The following SEMA6D variants were observed in gnomAD, a reference collection of about 807,000 sequenced individuals.
SEMA6D encodes semaphorin-6D.
A neutral mutation model predicts 106.6 loss-of-function variants in SEMA6D; 35 were observed. That is an observed-to-expected ratio of 0.33 (90% CI 0.25 to 0.44). The LOEUF is 0.44. Ranked by LOEUF, SEMA6D falls within the 20% of genes least tolerant of loss-of-function variation. The pLI, the probability that SEMA6D is intolerant of heterozygous loss-of-function variation, is 1.00. For missense variants in SEMA6D, 1,185 were observed against 1,345.9 expected (o/e 0.88, Z 1.87); for synonymous variants, 499 against 487.7 (o/e 1.02, Z -0.31).
At chr15:47,448,203 C>T (rs1244638285) in intron 2 of SEMA6D, among the ~76,000 whole-genome samples, 1 of 152,084 alleles carries the variant, frequency 6.6e-6, no homozygotes. Context: ...TGTACTTACC[C>T]CCAACCCAAA....
intron 3 of SEMA6D, among the ~76,000 whole-genome samples, chr15:47,545,207 A>T (rs557428397): frequency 1.3e-4 from 20 of 152,268 alleles, no homozygotes; most frequent in African/African-American, 4.3e-4. Context: ...GTGAACATCA[A>T]TCTGCTTTGA....
chr15:47,325,310 A>T (rs1437240882), intron 1 of SEMA6D, among the ~76,000 whole-genome samples: 1 of 151,976 alleles, frequency 6.6e-6, no homozygotes, highest in African/African-American at 2.4e-5. Flanking sequence ...AGTAAACTGG[A>T]CTACAGGCGC....
chr15:47,441,704 A>G (rs1449923484), intron 2 of SEMA6D, among the ~76,000 whole-genome samples: 2 of 152,102 alleles, frequency 1.3e-5, no homozygotes, highest in African/African-American at 4.8e-5. Context: ...TATTTTTTTA[A>G]TGAGGTTGAT....
chr15:47,759,035 C>T (rs1044561969), intron 1 of SEMA6D, among the ~76,000 whole-genome samples: 3 of 152,256 alleles, frequency 2.0e-5, no homozygotes, highest in African/African-American at 7.2e-5. Context: ...TATGTAAAAA[C>T]GTAGACTTCC....
At chr15:47,462,707 G>A (rs938935577) in intron 2 of SEMA6D, among the ~76,000 whole-genome samples, 9 of 152,068 alleles carry the variant, frequency 5.9e-5, no homozygotes, top group South Asian at 2.1e-4. Flanking sequence ...GAGCCATAGC[G>A]AATTGTGATT....
intron 1 of SEMA6D, among the ~76,000 whole-genome samples, chr15:47,267,084 C>T (rs1231734584): frequency 6.6e-6 from 1 of 152,026 alleles, no homozygotes; most frequent in African/African-American, 2.4e-5. Flanking sequence ...TGCTTTACGC[C>T]TTGGTTGCTG....
chr15:47,418,952 G>C (rs374723112), intron 2 of SEMA6D, among the ~76,000 whole-genome samples: 4 of 152,142 alleles, frequency 2.6e-5, no homozygotes, highest in East Asian at 1.9e-4. Flanking sequence ...TCATCTGATT[G>C]AGTTTAAGGA....
chr15:47,562,362 T>C (rs1318532583), intron 3 of SEMA6D, among the ~76,000 whole-genome samples: 3 of 152,058 alleles, frequency 2.0e-5, no homozygotes, highest in African/African-American at 7.2e-5. Flanking sequence ...GGAGAAAACT[T>C]ATGAGAAAAT....
chr15:47,773,912 C>T lies in SEMA6D; in HGVS notation c.*2127C>T, dbSNP rs1748089047. On this transcript the variant is annotated 3_prime_UTR_variant, in exon 19 of 19. Coordinates refer to ENST00000536845, the MANE Select transcript of SEMA6D (RefSeq NM_001358351.3). ...CCAGATAACATTTTGTAACATTGTG[C>T]TTCCTTGTAGTTTGTAATGTGAGTT... The T allele has an allele frequency of 6.6e-6, 1 of 152,604 alleles. No homozygotes were observed. Among genetic ancestry groups the T allele is most frequent in the African/African-American group, 2.4e-5 (1 of 41,452 alleles). 9.5% of individuals were successfully genotyped at this position (152,604 alleles called of 1,614,324 possible). A position where few individuals can be genotyped will look rare whatever the true frequency, so the allele number is the denominator to read the frequency against.
intron 4 of SEMA6D, among the ~76,000 whole-genome samples, chr15:47,655,337 C>T (rs769972688): frequency 3.3e-5 from 5 of 152,170 alleles, no homozygotes; most frequent in Non-Finnish European, 5.9e-5. Context: ...TTTAACTTCC[C>T]AGGGATTTTG....
At chr15:47,402,170 GA>G (rs895787271) in intron 1 of SEMA6D, among the ~76,000 whole-genome samples, 68 of 152,096 alleles carry the variant, frequency 4.5e-4, no homozygotes, top group African/African-American at 1.6e-3. Context: ...GCAGAACTGG[GA>G]TTTTAATTTT....
At chr15:47,277,264 G>T (rs1398517632) in intron 1 of SEMA6D, among the ~76,000 whole-genome samples, 1 of 152,152 alleles carries the variant, frequency 6.6e-6, no homozygotes, top group Non-Finnish European at 1.5e-5. Context: ...AGCAGTGGCA[G>T]ATTTCAGAAG....
At chr15:47,711,481 A>G (rs2079023518) in intron 4 of SEMA6D, among the ~76,000 whole-genome samples, 2 of 152,190 alleles carry the variant, frequency 1.3e-5, no homozygotes, top group Non-Finnish European at 2.9e-5. Context: ...TCCTTCTAGG[A>G]CATAAATGAA....
chr15:47,524,463 C>T (rs2044688121), intron 3 of SEMA6D, among the ~76,000 whole-genome samples: 1 of 152,110 alleles, frequency 6.6e-6, no homozygotes. Context: ...AAAGAAAAAA[C>T]ACAACAAATT....
intron 1 of SEMA6D, among the ~76,000 whole-genome samples, chr15:47,340,477 A>G (rs1881078243): frequency 6.6e-6 from 1 of 152,222 alleles, no homozygotes; most frequent in Admixed American, 6.5e-5. Flanking sequence ...ATCGTTATCT[A>G]CAGTCTGTTT....
chr15:47,315,745 T>G (rs2036642829), intron 1 of SEMA6D, among the ~76,000 whole-genome samples: 1 of 152,198 alleles, frequency 6.6e-6, no homozygotes, highest in South Asian at 2.1e-4. Context: ...CTCTATTCAT[T>G]TAGTTCTTTT....
At chr15:47,281,883 T>C (rs993699333) in intron 1 of SEMA6D, among the ~76,000 whole-genome samples, 2 of 152,130 alleles carry the variant, frequency 1.3e-5, no homozygotes, top group African/African-American at 4.8e-5. Context: ...AATATAGATA[T>C]TTTTATCCCA....
chr15:47,438,221 A>G (rs908263880), intron 2 of SEMA6D, among the ~76,000 whole-genome samples: 2 of 152,064 alleles, frequency 1.3e-5, no homozygotes, highest in African/African-American at 4.8e-5. Context: ...CAGAATATAT[A>G]CTGAAACCTC....
intron 3 of SEMA6D, among the ~76,000 whole-genome samples, chr15:47,517,065 A>T (rs770282359): frequency 2.0e-5 from 3 of 152,098 alleles, no homozygotes; most frequent in Non-Finnish European, 4.4e-5. Context: ...TTCTAGCTGC[A>T]CTTCTAGGAA....
Sources: allele counts gnomAD v4.1 joint callset (sites outside exome capture counted in the v4.1 genomes callset), GRCh38; gene constraint gnomAD v4.1.1; transcripts MANE v1.5; gene names NCBI Gene and HGNC (gene_info 2026-07-23, HGNC 2026-07-21).